Variants in FRMPD4 observed in about 807,000 individuals in gnomAD.
FRMPD4 encodes the protein FERM and PDZ domain-containing protein 4.
FRMPD4 carries 22 observed loss-of-function variants against 94.1 expected under a neutral mutation model. The observed-to-expected ratio is 0.23, with a 90% CI of 0.17 to 0.33. The LOEUF is 0.33. FRMPD4 is among the 10% of genes least tolerant of loss of function. FRMPD4 has a pLI of 1.00. For missense variants in FRMPD4, 1,111 were observed against 1,339.9 expected (o/e 0.83, Z 2.67); for synonymous variants, 631 against 548.6 (o/e 1.15, Z -2.10).
At chrX:12,554,328 G>A (rs1055335685) in intron 2 of FRMPD4, among the ~76,000 whole-genome samples, 1 of 111,486 alleles carries the variant, frequency 9.0e-6, no homozygotes, top group African/African-American at 3.3e-5. Context: ...ATCCACTAAT[G>A]CATTCAGGAG....
intron 2 of FRMPD4, among the ~76,000 whole-genome samples, chrX:12,573,664 A>G (rs2148365204): frequency 8.9e-6 from 1 of 112,791 alleles, no homozygotes; most frequent in Non-Finnish European, 1.9e-5. Flanking sequence ...GTTGAGAGAC[A>G]TACTAGAGCA....
chrX:11,841,613 A>G (rs765303704), intron 1 of FRMPD4, among the ~76,000 whole-genome samples: 1 of 111,463 alleles, frequency 9.0e-6, no homozygotes, highest in East Asian at 2.8e-4. Flanking sequence ...TTGCTTGTAA[A>G]TGTGTTTGAG....
intron 2 of FRMPD4, among the ~76,000 whole-genome samples, chrX:12,502,697 G>A (rs933416805): frequency 3.6e-5 from 4 of 112,144 alleles, no homozygotes; most frequent in Non-Finnish European, 7.5e-5. Context: ...AGATGATAGA[G>A]AATATAGACA....
chrX:11,827,798 A>G (rs2053453060), intron 1 of FRMPD4, among the ~76,000 whole-genome samples: 1 of 112,344 alleles, frequency 8.9e-6, no homozygotes, highest in African/African-American at 3.2e-5. Flanking sequence ...ACAGCGTATC[A>G]ACAATGTATC....
intron 2 of FRMPD4, among the ~76,000 whole-genome samples, chrX:12,580,911 G>A: frequency 8.9e-6 from 1 of 112,190 alleles, no homozygotes; most frequent in Non-Finnish European, 1.9e-5. Context: ...TACTAAGAAT[G>A]GTGTACAGGT....
chrX:12,304,970 G>T (rs756817361), intron 1 of FRMPD4, among the ~76,000 whole-genome samples: 4 of 111,763 alleles, frequency 3.6e-5, no homozygotes, highest in South Asian at 3.8e-4. Context: ...GCAGCCCGCC[G>T]CAAGATTAGG....
At chrX:12,070,081 T>C (rs149894078) in intron 3 of FRMPD4, among the ~76,000 whole-genome samples, 2,100 of 111,065 alleles carry the variant, frequency 0.019, 32 homozygotes, top group Non-Finnish European at 0.029. Flanking sequence ...ATATCTGTGA[T>C]ATTACAGAGT....
At chrX:12,195,185 C>G (rs771630496) in intron 1 of FRMPD4, among the ~76,000 whole-genome samples, 6 of 111,709 alleles carry the variant, frequency 5.4e-5, no homozygotes, top group Non-Finnish European at 1.1e-4. Flanking sequence ...CTCTCGCCAA[C>G]CCCCAACTGT....
intron 3 of FRMPD4, among the ~76,000 whole-genome samples, chrX:11,970,483 GGAA>G (rs894065940): frequency 8.9e-6 from 1 of 112,040 alleles, no homozygotes; most frequent in African/African-American, 3.2e-5. Context: ...TAGAAAACAG[GGAA>G]GAAGAACTTG....
At chrX:12,703,126 T>A (rs1602347844) in intron 10 of FRMPD4, among the ~76,000 whole-genome samples, 1 of 112,757 alleles carries the variant, frequency 8.9e-6, no homozygotes, top group East Asian at 2.8e-4. Context: ...TGAGTAAGAA[T>A]CCTGAAAAGT....
At chrX:12,409,847 G>C (rs1330824733) in intron 1 of FRMPD4, among the ~76,000 whole-genome samples, 1 of 111,369 alleles carries the variant, frequency 9.0e-6, no homozygotes, top group Non-Finnish European at 1.9e-5. Flanking sequence ...GGGCAAAAAG[G>C]TACCAAGTAA....
chrX:12,017,779 T>C (rs980805900), intron 3 of FRMPD4, among the ~76,000 whole-genome samples: 1 of 111,899 alleles, frequency 8.9e-6, no homozygotes, highest in Non-Finnish European at 1.9e-5. Flanking sequence ...TGTGGGAGGA[T>C]TAGCAGTATA....
chrX:12,514,060 T>C (rs940984565), intron 2 of FRMPD4, among the ~76,000 whole-genome samples: 2 of 111,722 alleles, frequency 1.8e-5, no homozygotes, highest in African/African-American at 6.5e-5. Context: ...TTTTTGCACA[T>C]TGATTTTGTA....
intron 1 of FRMPD4, among the ~76,000 whole-genome samples, chrX:12,152,196 C>T (rs950036643): frequency 2.7e-5 from 3 of 111,452 alleles, no homozygotes; most frequent in Non-Finnish European, 5.7e-5. Flanking sequence ...TGCAATATTC[C>T]CTCTGAAGTT....
intron 1 of FRMPD4, among the ~76,000 whole-genome samples, chrX:12,213,924 C>G (rs1458960591): frequency 1.8e-5 from 2 of 111,947 alleles, no homozygotes; most frequent in African/African-American, 6.5e-5. Context: ...TTTATCTTGG[C>G]ACATATATTT....
At chrX:12,084,094 G>A (rs898335615) in intron 3 of FRMPD4, among the ~76,000 whole-genome samples, 2 of 102,803 alleles carry the variant, frequency 1.9e-5, no homozygotes, top group African/African-American at 3.6e-5. Context: ...GGGGCAGAAT[G>A]ATATGGTTTG....
intron 1 of FRMPD4, among the ~76,000 whole-genome samples, chrX:12,419,144 G>C (rs972402237): frequency 9.0e-6 from 1 of 111,514 alleles, no homozygotes; most frequent in African/African-American, 3.3e-5. Context: ...AGAATCTACT[G>C]GATGAAAAGT....
At chrX:12,515,396 T>C (rs2058086178) in intron 2 of FRMPD4, among the ~76,000 whole-genome samples, 1 of 112,015 alleles carries the variant, frequency 8.9e-6, no homozygotes, top group African/African-American at 3.2e-5. Flanking sequence ...TTGTCTCTTT[T>C]TTCTCATTGG....
intron 3 of FRMPD4, among the ~76,000 whole-genome samples, chrX:11,892,690 C>G (rs2053881815): frequency 8.9e-6 from 1 of 112,315 alleles, no homozygotes; most frequent in African/African-American, 3.2e-5. Flanking sequence ...GTCTAATCTC[C>G]CATTTCCTAG....
Sources: allele counts gnomAD v4.1 joint callset (sites outside exome capture counted in the v4.1 genomes callset), GRCh38; gene constraint gnomAD v4.1.1; transcripts MANE v1.5; gene names NCBI Gene and HGNC (gene_info 2026-07-23, HGNC 2026-07-21).